Variants in TNKS observed in about 807,000 individuals in gnomAD.
TNKS encodes the protein tankyrase.
Under a neutral mutation model 135.8 loss-of-function variants are expected in TNKS, and 72 were observed. That is an observed-to-expected ratio of 0.53 (90% CI 0.44 to 0.64). TNKS has a LOEUF of 0.64. Among genes scored for constraint, TNKS ranks in the 30% least tolerant of loss-of-function variants. The pLI is 0.00. For synonymous variants in TNKS, 849 were observed against 649.3 expected (o/e 1.31, Z -4.68); for missense variants, 1,769 against 1,674.0 (o/e 1.06, Z -0.99).
chr8:9,605,843 T>C (rs1368435881), intron 2 of TNKS, among the ~76,000 whole-genome samples: 1 of 152,048 alleles, frequency 6.6e-6, no homozygotes, highest in East Asian at 1.9e-4. Flanking sequence ...TCTAGAAGAG[T>C]TTTTTGTCTT....
At chr8:9,729,771 C>CTTTT (rs763357075) in intron 13 of TNKS, among the ~76,000 whole-genome samples, 2,382 of 94,832 alleles carry the variant, frequency 0.025, 33 homozygotes, top group Non-Finnish European at 0.03. Flanking sequence ...ATATGATATT[C>CTTTT]TTTTTTTTTT....
chr8:9,695,317 T>G (rs1035301526), intron 5 of TNKS, among the ~76,000 whole-genome samples: 2 of 152,204 alleles, frequency 1.3e-5, no homozygotes, highest in Non-Finnish European at 2.9e-5. Context: ...TAAGAAGATA[T>G]GTATGAAATT....
chr8:9,580,650 T>G lies in TNKS; in HGVS notation c.898+267T>G, dbSNP rs560656596. Among the ~76,000 whole-genome samples, 3 of 152,276 alleles carry G rather than the reference T, an allele frequency of 2.0e-5. No homozygotes were observed. The South Asian group carries it at 6.2e-4, about 32-fold the overall frequency. ...ATTACTATTGTCAAATTTAGTTAAT[T>G]TATAGTCTCTTTTAAAGACTGGACA... On this transcript the variant is annotated intron_variant, in intron 2 of 26. Transcript: ENST00000310430.
chr8:9,557,007 A>G (rs1815347671), intron 1 of TNKS: 3 of 312,732 alleles, frequency 9.6e-6, no homozygotes, highest in Non-Finnish European at 1.8e-5. Context: ...AGGACAGTCC[A>G]GACCAAAAGA....
intron 3 of TNKS, among the ~76,000 whole-genome samples, chr8:9,649,878 C>CTTTTTTTTTTTTTTTT (rs71201959): frequency 9.6e-5 from 8 of 83,364 alleles, no homozygotes; most frequent in African/African-American, 3.7e-4. Flanking sequence ...CTTTTCTTTT[C>CTTTTTTTTTTTTTTTT]TTTTTTTTTT....
intron 11 of TNKS, 26 bp from the exon 12 acceptor site, chr8:9,720,348 C>A (rs750832088): frequency 1.4e-5 from 22 of 1,552,234 alleles, no homozygotes; most frequent in Non-Finnish European, 1.9e-5. Context: ...TGCTCAATTC[C>A]ATGTGCCCAC....
chr8:9,756,244 AAGTT>A (rs1206684338), intron 20 of TNKS, among the ~76,000 whole-genome samples: 14 of 152,090 alleles, frequency 9.2e-5, no homozygotes, highest in Non-Finnish European at 1.9e-4. Context: ...CTTGATTATA[AAGTT>A]AGTTCTTATT....
At chr8:9,593,918 ACT>A (rs556319502) in intron 2 of TNKS, among the ~76,000 whole-genome samples, 81 of 151,680 alleles carry the variant, frequency 5.3e-4, no homozygotes, top group African/African-American at 1.7e-3. Flanking sequence ...ACGGAGTCTC[ACT>A]CTGTCACCCA....
intron 11 of TNKS, among the ~76,000 whole-genome samples, chr8:9,718,769 C>T (rs530780615): frequency 6.6e-6 from 1 of 152,264 alleles, no homozygotes; most frequent in Admixed American, 6.5e-5. Context: ...CATTTAATTA[C>T]CACAGTTGAG....
rs796843672 is a variant in TNKS at position 9,751,528 on chromosome 8, A to C, written c.2833-81A>C. On this transcript the variant is annotated intron_variant, in intron 18 of 26. Transcript: ENST00000310430. ...GGCATTCATTAAGGAAAAAATCCAC[A>C]AAGTATTTGGTTATCAGTGAAAAAC... is the stretch of plus-strand genomic sequence containing the variant. 1.4e-5 allele frequency: 19 copies of C among 1,326,916 alleles called. No homozygotes were observed. The African/African-American group carries it at 2.8e-4, about 19-fold the overall frequency. 82.2% of individuals were successfully genotyped at this position (1,326,916 alleles called of 1,614,324 possible). A position where few individuals can be genotyped will look rare whatever the true frequency, so the allele number is the denominator to read the frequency against.
rs532730537 is a variant in TNKS at position 9,727,426 on chromosome 8, G to A, written c.2001+706G>A. Reference sequence around the variant, plus strand: ...TTTTTTGTTTGGAGATTGGTCTTTTGGGGTTTGTTTTTTGTTGTTTTTTAC... The same window carrying A: ...TTTTTTGTTTGGAGATTGGTCTTTTAGGGTTTGTTTTTTGTTGTTTTTTAC... On this transcript the variant is annotated intron_variant, in intron 13 of 26. Transcript: ENST00000310430. Among the ~76,000 whole-genome samples, 13 of 152,186 alleles carry A rather than the reference G, an allele frequency of 8.5e-5. No homozygotes were observed. The East Asian group carries it at 2.3e-3, about 27-fold the overall frequency.
At chr8:9,708,180 C>T (rs1804141052) in intron 8 of TNKS, among the ~76,000 whole-genome samples, 191 bp from the exon 9 acceptor site, 1 of 152,106 alleles carries the variant, frequency 6.6e-6, no homozygotes, top group Admixed American at 6.6e-5. Flanking sequence ...AGTCTTATTT[C>T]AGAGCATACA....
At chr8:9,763,780 C>G (rs548139703) in intron 22 of TNKS, among the ~76,000 whole-genome samples, 3 of 152,292 alleles carry the variant, frequency 2.0e-5, no homozygotes, top group Non-Finnish European at 2.9e-5. Flanking sequence ...AGTGAGACTC[C>G]TGCTCCACTG....
chr8:9,619,396 G>T (rs916524318), intron 3 of TNKS, among the ~76,000 whole-genome samples: 4 of 152,168 alleles, frequency 2.6e-5, no homozygotes, highest in African/African-American at 9.7e-5. Context: ...AAAGAGGTAA[G>T]AGCAGATTGA....
At chr8:9,639,458 T>C (rs950615045) in intron 3 of TNKS, among the ~76,000 whole-genome samples, 2 of 151,960 alleles carry the variant, frequency 1.3e-5, no homozygotes, top group East Asian at 1.9e-4. Flanking sequence ...ATAAATATGG[T>C]CACTTTAAAA....
chr8:9,749,841 A>G (rs75089564), intron 18 of TNKS, among the ~76,000 whole-genome samples: 1 of 152,146 alleles, frequency 6.6e-6, no homozygotes, highest in Admixed American at 6.5e-5. Context: ...GAAATGGATC[A>G]TATTTACAGC....
chr8:9,643,800 C>T (rs935465594), intron 3 of TNKS, among the ~76,000 whole-genome samples: 1 of 152,126 alleles, frequency 6.6e-6, no homozygotes, highest in African/African-American at 2.4e-5. Context: ...GAAGCAGGGG[C>T]TTGAAGTGAT....
intron 3 of TNKS, among the ~76,000 whole-genome samples, chr8:9,650,027 G>T (rs1801084802): frequency 6.6e-6 from 1 of 151,486 alleles, no homozygotes; most frequent in African/African-American, 2.4e-5. Context: ...CAAGTAGCTG[G>T]GATTACAGGC....
intron 3 of TNKS, among the ~76,000 whole-genome samples, chr8:9,629,934 G>A (rs527784446): frequency 5.3e-5 from 8 of 152,112 alleles, no homozygotes; most frequent in African/African-American, 1.7e-4. Flanking sequence ...CGCCCGCCTC[G>A]GCCTCCCAAA....
Sources: allele counts gnomAD v4.1 joint callset (sites outside exome capture counted in the v4.1 genomes callset), GRCh38; gene constraint gnomAD v4.1.1; transcripts MANE v1.5; gene names NCBI Gene and HGNC (gene_info 2026-07-23, HGNC 2026-07-21).